Variants in USH2A observed in about 807,000 individuals in gnomAD.
USH2A encodes usherin.
A neutral mutation model predicts 538.9 loss-of-function variants in USH2A; 443 were observed. That is an observed-to-expected ratio of 0.82 (90% CI 0.76 to 0.89). The LOEUF (loss-of-function observed/expected upper bound fraction) is 0.89. Among genes scored for constraint, USH2A ranks in the 40% least tolerant of loss-of-function variants. The pLI is 0.00. For missense variants in USH2A, 6,633 were observed against 6,324.8 expected, an observed-to-expected ratio of 1.05 and a Z score of -1.65; for synonymous variants, 2,413 against 2,273.5, an observed-to-expected ratio of 1.06 and a Z score of -1.75.
At chr1:215,969,527 C>T (rs867605902) in intron 36 of USH2A, among the ~76,000 whole-genome samples, 3 of 151,764 alleles carry the variant, frequency 2.0e-5, no homozygotes, top group East Asian at 1.9e-4. Flanking sequence ...TCTCATGTGA[C>T]GTGTTCTTTT....
chr1:215,736,069 G>C (rs1660148151), intron 60 of USH2A, among the ~76,000 whole-genome samples: 1 of 151,930 alleles, frequency 6.6e-6, no homozygotes, highest in Non-Finnish European at 1.5e-5. Flanking sequence ...GCCAGGCCCT[G>C]GAAGCCATAT....
chr1:215,809,547 A>G (rs1234498581), intron 49 of USH2A, among the ~76,000 whole-genome samples: 1 of 152,110 alleles, frequency 6.6e-6, no homozygotes, highest in Admixed American at 6.6e-5. Context: ...TACAAGGATC[A>G]GTCACCTTCT....
intron 3 of USH2A, among the ~76,000 whole-genome samples, chr1:216,394,779 C>T (rs942285230): frequency 6.8e-5 from 9 of 131,858 alleles, no homozygotes; most frequent in African/African-American, 1.7e-4. Flanking sequence ...AGTGCAGTGG[C>T]GCGATCTCCG....
At chr1:215,797,198 G>T (rs904659285) in intron 50 of USH2A, among the ~76,000 whole-genome samples, 2 of 152,212 alleles carry the variant, frequency 1.3e-5, no homozygotes, top group African/African-American at 4.8e-5. Context: ...TGAGAGAGAT[G>T]AGGAAGCTGC....
At chr1:216,335,753 C>A (rs1194937559) in intron 4 of USH2A, among the ~76,000 whole-genome samples, 2 of 151,380 alleles carry the variant, frequency 1.3e-5, no homozygotes, top group East Asian at 1.9e-4. Flanking sequence ...TAGATCTATA[C>A]CACTAAAAGA....
intron 9 of USH2A, among the ~76,000 whole-genome samples, chr1:216,296,781 A>C (rs2102616914): frequency 6.6e-6 from 1 of 152,232 alleles, no homozygotes; most frequent in East Asian, 1.9e-4. Context: ...CTTTAGCCAA[A>C]AAAATTTAAA....
At chr1:215,907,077 T>C (rs568011358) in intron 38 of USH2A, among the ~76,000 whole-genome samples, 2 of 152,040 alleles carry the variant, frequency 1.3e-5, no homozygotes, top group South Asian at 2.1e-4. Flanking sequence ...GTCTTTATCA[T>C]TGGAAAGCTC....
chr1:216,077,856 A>G (rs1487610216), intron 27 of USH2A, among the ~76,000 whole-genome samples: 1 of 151,788 alleles, frequency 6.6e-6, no homozygotes, highest in Non-Finnish European at 1.5e-5. Flanking sequence ...CTGAGGACAT[A>G]TTGAAATAAA....
In USH2A at chr1:216,000,457, T is replaced by G. The variant is rs754703964; in HGVS notation, c.6431A>C (p.Glu2144Ala). 1.1e-5 allele frequency: 18 copies of G among 1,613,616 alleles called. No individual in the cohort carries two copies. The Admixed American group carries it at 3.0e-4, about 27-fold the overall frequency. The change falls in exon 33 of 72, where the codon GAA (glutamate) becomes GCA (alanine). Residue 2144 changes from glutamate (E) to alanine (A), a missense_variant. By Grantham distance (107) the Glu-to-Ala change is moderately radical (BLOSUM62 -1). Transcript: ENST00000307340. ...AGTCAGAACTGGGGAATCCACGTGT[T>G]CTGGTGGCAGCTGTGCTGTGTACAG... ...VLLYTAQLPP[E>A]HVDSPVLTVL...
chr1:215,636,027 G>T lies in USH2A; in HGVS notation c.15053-1324C>A, dbSNP rs1571920454. Among the ~76,000 whole-genome samples, 3 of 152,302 alleles carry T rather than the reference G, an allele frequency of 2.0e-5. No homozygotes were observed. In the South Asian group the frequency reaches 6.2e-4, roughly 32 times the overall value. Reference sequence around the variant, plus strand: ...TCCCATCCAGCCACTGCTGGGGCCAGCACAGAAACCTGTGGATCTGATGCA... The same window carrying T: ...TCCCATCCAGCCACTGCTGGGGCCATCACAGAAACCTGTGGATCTGATGCA... On this transcript the variant is annotated intron_variant, in intron 69 of 71. Coordinates refer to ENST00000307340, the MANE Select transcript of USH2A (RefSeq NM_206933.4).
intron 71 of USH2A, 135 bp downstream of exon 71, chr1:215,628,679 G>T: frequency 3.4e-6 from 3 of 876,480 alleles, no homozygotes; most frequent in Non-Finnish European, 5.8e-6. Flanking sequence ...TTAGTAAACC[G>T]GTTGTTACTA....
At chr1:215,639,961 T>C (rs1034882310) in intron 68 of USH2A, among the ~76,000 whole-genome samples, 1 of 152,234 alleles carries the variant, frequency 6.6e-6, no homozygotes, top group Non-Finnish European at 1.5e-5. Context: ...AGCATGCTGA[T>C]CACTATAAAA....
At chr1:215,630,122 C>T (rs1007614309) in intron 70 of USH2A, 2 of 516,404 alleles carry the variant, frequency 3.9e-6, no homozygotes, top group Non-Finnish European at 7.7e-6. Context: ...TGATCTGTTC[C>T]TGCTTTTCAC....
intron 11 of USH2A, among the ~76,000 whole-genome samples, chr1:216,256,951 TC>T (rs1222223035): frequency 1.3e-5 from 2 of 151,948 alleles, no homozygotes; most frequent in South Asian, 2.1e-4. Flanking sequence ...CAAGGGTACT[TC>T]CTTTTCCCCC....
chr1:215,931,591 C>A (rs1571824091), intron 38 of USH2A, among the ~76,000 whole-genome samples: 1 of 151,992 alleles, frequency 6.6e-6, no homozygotes, highest in Non-Finnish European at 1.5e-5. Context: ...AGGTCTCTTT[C>A]ACAGCTGGCT....
At chr1:215,842,008 A>T (rs1042630422) in intron 46 of USH2A, among the ~76,000 whole-genome samples, 14 of 152,190 alleles carry the variant, frequency 9.2e-5, no homozygotes, top group Non-Finnish European at 1.6e-4. Flanking sequence ...TGTAAAAGGG[A>T]CATATAAAGG....
intron 21 of USH2A, among the ~76,000 whole-genome samples, chr1:216,130,675 G>GTA (rs375640302): frequency 9.2e-4 from 134 of 145,962 alleles, no homozygotes; most frequent in East Asian, 2.0e-3. Flanking sequence ...TATATATCAC[G>GTA]TATATATATA....
chr1:216,406,177 A>C (rs1366714038), intron 3 of USH2A, among the ~76,000 whole-genome samples: 1 of 152,154 alleles, frequency 6.6e-6, no homozygotes, highest in Admixed American at 6.6e-5. Flanking sequence ...TACACATAGG[A>C]ATATATGAAA....
At chr1:216,161,791 A>C (rs2034064991) in intron 21 of USH2A, among the ~76,000 whole-genome samples, 1 of 151,892 alleles carries the variant, frequency 6.6e-6, no homozygotes, top group Non-Finnish European at 1.5e-5. Flanking sequence ...AGAAATCTTG[A>C]CTGGTAGTTT....
Sources: gnomAD v4.1 joint callset for allele counts (sites outside exome capture counted in the v4.1 genomes callset) on GRCh38, gnomAD v4.1.1 for gene constraint, MANE v1.5 for transcripts, NCBI Gene and HGNC (gene_info 2026-07-23, HGNC 2026-07-21) for gene names.